FHOD3: variants seen among roughly 807,000 people sequenced by gnomAD.
FHOD3 encodes FH1/FH2 domain-containing protein 3.
In FHOD3, 90 loss-of-function variants were observed where a neutral mutation model predicts 173.0. The ratio of observed to expected loss-of-function variants is 0.52; its 90% CI spans 0.44 to 0.62. FHOD3 has a LOEUF of 0.62. Ranked by LOEUF, FHOD3 falls within the 20% of genes least tolerant of loss-of-function variation. FHOD3 has a pLI of 0.00. For missense variants in FHOD3, 1,945 were observed against 2,034.7 expected (o/e 0.96, Z 0.85); for synonymous variants, 828 against 823.0 (o/e 1.01, Z -0.10).
At chr18:36,386,617 C>T (rs1170601700) in intron 3 of FHOD3, among the ~76,000 whole-genome samples, 1 of 152,112 alleles carries the variant, frequency 6.6e-6, no homozygotes, top group Non-Finnish European at 1.5e-5. Context: ...AGGGTGTGTG[C>T]ATTGAGATGG....
chr18:36,479,863 T>C (rs2053785053), intron 3 of FHOD3, among the ~76,000 whole-genome samples: 1 of 152,114 alleles, frequency 6.6e-6, no homozygotes, highest in African/African-American at 2.4e-5. Context: ...GCATTTTCCC[T>C]GAGAAAAGGG....
chr18:36,528,679 C>T (rs144000146), intron 5 of FHOD3, among the ~76,000 whole-genome samples: 17 of 152,306 alleles, frequency 1.1e-4, no homozygotes, highest in Admixed American at 2.0e-4. Flanking sequence ...GTTTACACAA[C>T]GCCAGCGCCA....
chr18:36,779,999 T>C lies in FHOD3; in HGVS notation c.*469T>C, dbSNP rs1307162700. The C allele has an allele frequency of 1.8e-6, 1 of 542,026 alleles. No individual in the cohort carries two copies. The highest frequency in any genetic ancestry group is 2.8e-6 in the Non-Finnish European group (1 of 355,054). 33.6% of individuals were successfully genotyped at this position (542,026 alleles called of 1,614,324 possible). On this transcript the variant is annotated 3_prime_UTR_variant, in exon 29 of 29. Coordinates refer to ENST00000590592, the MANE Select transcript of FHOD3 (RefSeq NM_001281740.3). ...GGATTTTAGATGTAACAAATGTTTA[T>C]ACAAATACATACATGTACACCATGT... is the stretch of plus-strand genomic sequence containing the variant.
chr18:36,572,397 T>C (rs11665069), intron 5 of FHOD3, among the ~76,000 whole-genome samples: 85,950 of 151,924 alleles, frequency 0.57, 24,365 homozygotes, highest in South Asian at 0.6. Context: ...TTTTGCTGCT[T>C]GTAGTGCAAT....
intron 7 of FHOD3, among the ~76,000 whole-genome samples, chr18:36,601,836 G>C (rs2031426109): frequency 6.6e-6 from 1 of 152,158 alleles, no homozygotes; most frequent in African/African-American, 2.4e-5. Context: ...AAGGTGTTAT[G>C]TGCCTCTTTT....
intron 3 of FHOD3, among the ~76,000 whole-genome samples, chr18:36,413,002 A>G (rs528436243): frequency 2.6e-5 from 4 of 152,374 alleles, no homozygotes; most frequent in Admixed American, 2.6e-4. Context: ...TTCATTCAAC[A>G]AAAAGACACA....
chr18:36,404,642 G>A (rs2048975379), intron 3 of FHOD3, among the ~76,000 whole-genome samples: 1 of 152,152 alleles, frequency 6.6e-6, no homozygotes, highest in Non-Finnish European at 1.5e-5. Flanking sequence ...AAGCCCCTAG[G>A]TGATGTCAAG....
chr18:36,536,166 T>G (rs1432663422), intron 5 of FHOD3, among the ~76,000 whole-genome samples: 1 of 152,218 alleles, frequency 6.6e-6, no homozygotes, highest in Non-Finnish European at 1.5e-5. Context: ...TGAATCAGAT[T>G]TGGCTTATGG....
chr18:36,637,278 A>G (rs534586916), intron 10 of FHOD3, among the ~76,000 whole-genome samples: 5 of 152,274 alleles, frequency 3.3e-5, no homozygotes, highest in African/African-American at 1.2e-4. Context: ...TTGTTCATCT[A>G]ACTCCTATTT....
chr18:36,386,249 G>C (rs1355647098), intron 3 of FHOD3, among the ~76,000 whole-genome samples: 1 of 152,148 alleles, frequency 6.6e-6, no homozygotes, highest in Non-Finnish European at 1.5e-5. Context: ...CTTAGAAGCT[G>C]TCCGTCCTCT....
At chr18:36,341,569 G>T (rs1219858909) in intron 1 of FHOD3, among the ~76,000 whole-genome samples, 1 of 152,170 alleles carries the variant, frequency 6.6e-6, no homozygotes, top group African/African-American at 2.4e-5. Flanking sequence ...GCTAATAGTA[G>T]TTTCATTCTG....
At chr18:36,363,430 A>G (rs944115229) in intron 2 of FHOD3, among the ~76,000 whole-genome samples, 5 of 152,240 alleles carry the variant, frequency 3.3e-5, no homozygotes, top group Non-Finnish European at 7.3e-5. Flanking sequence ...AAACCATAGT[A>G]TTTGTCCATA....
At chr18:36,670,142 T>A (rs1288311958) in intron 14 of FHOD3, among the ~76,000 whole-genome samples, 1 of 152,138 alleles carries the variant, frequency 6.6e-6, no homozygotes, top group Non-Finnish European at 1.5e-5. Flanking sequence ...ATATCATTTT[T>A]TTCCTTTGGC....
chr18:36,328,097 T>C (rs2044768975), intron 1 of FHOD3, among the ~76,000 whole-genome samples: 1 of 152,126 alleles, frequency 6.6e-6, no homozygotes, highest in Non-Finnish European at 1.5e-5. Flanking sequence ...CCTCTACTAA[T>C]GTTTGAGAGC....
At chr18:36,430,012 C>T (rs1428801044) in intron 3 of FHOD3, among the ~76,000 whole-genome samples, 1 of 152,190 alleles carries the variant, frequency 6.6e-6, no homozygotes, top group Non-Finnish European at 1.5e-5. Context: ...CTCTGCGCTT[C>T]TCTCCAGAGA....
intron 1 of FHOD3, among the ~76,000 whole-genome samples, chr18:36,338,416 C>T (rs1220070915): frequency 3.3e-5 from 5 of 152,088 alleles, no homozygotes; most frequent in East Asian, 1.9e-4. Flanking sequence ...TTTTATGTAC[C>T]GTGCCTTTAC....
At chr18:36,406,331 C>T (rs1227487985) in intron 3 of FHOD3, among the ~76,000 whole-genome samples, 1 of 152,160 alleles carries the variant, frequency 6.6e-6, no homozygotes, top group East Asian at 1.9e-4. Context: ...TATACTGGTC[C>T]TCTTGCCTTG....
At chr18:36,462,288 C>CGTGTGTGTGT (rs148480762) in intron 3 of FHOD3, among the ~76,000 whole-genome samples, 16 of 149,736 alleles carry the variant, frequency 1.1e-4, no homozygotes, top group Non-Finnish European at 2.1e-4. Context: ...TCAGTTCTCT[C>CGTGTGTGTGT]GTGTGTGTGT....
intron 6 of FHOD3, among the ~76,000 whole-genome samples, chr18:36,587,973 C>T (rs2059095960): frequency 6.6e-6 from 1 of 152,194 alleles, no homozygotes; most frequent in South Asian, 2.1e-4. Context: ...CCATCAGGCC[C>T]TGAGGCTGGA....
Sources: gnomAD v4.1 joint callset for allele counts (sites outside exome capture counted in the v4.1 genomes callset) on GRCh38, gnomAD v4.1.1 for gene constraint, MANE v1.5 for transcripts, NCBI Gene and HGNC (gene_info 2026-07-23, HGNC 2026-07-21) for gene names.